AK8: variants seen among roughly 807,000 people sequenced by gnomAD.
AK8 encodes ATP-AMP transphosphorylase 8.
In AK8, 44 loss-of-function variants were observed where a neutral mutation model predicts 54.6. That is an observed-to-expected ratio of 0.81 (90% CI 0.63 to 1.04). The LOEUF (loss-of-function observed/expected upper bound fraction) is 1.04, where lower values mean the gene tolerates loss of function less well. Ranked by LOEUF, AK8 falls within the 50% of genes least tolerant of loss-of-function variation. AK8 has a pLI of 0.00. For synonymous variants in AK8, 239 were observed against 245.6 expected (o/e 0.97, Z 0.25); for missense variants, 555 against 613.6 (o/e 0.90, Z 1.01).
At chr9:132,876,405 G>A (rs948287378) in intron 1 of AK8, among the ~76,000 whole-genome samples, 4 of 151,594 alleles carry the variant, frequency 2.6e-5, no homozygotes, top group South Asian at 2.1e-4. Context: ...AGGCAAAAGC[G>A]GCTATTTAAT....
At chr9:132,828,624 G>C in intron 6 of AK8, 21 bp downstream of exon 6, 1 of 1,603,642 alleles carries the variant, frequency 6.2e-7, no homozygotes, top group Non-Finnish European at 8.5e-7. Flanking sequence ...GGCAGGTGGG[G>C]GACCCTTGGG....
At chr9:132,836,866 A>T (rs1438974778) in intron 5 of AK8, among the ~76,000 whole-genome samples, 1 of 152,260 alleles carries the variant, frequency 6.6e-6, no homozygotes, top group African/African-American at 2.4e-5. Flanking sequence ...TGATGATAAT[A>T]GTACCTACAC....
chr9:132,826,738 TC>T lies in AK8; in HGVS notation c.757+115del. 8.2e-7 allele frequency: 1 copy of T among 1,214,188 alleles called. No individual in the cohort carries two copies. Among genetic ancestry groups the T allele is most frequent in the Non-Finnish European group, 1.2e-6 (1 of 853,152 alleles). The allele number at this position is 1,214,188 out of a possible 1,614,324, so 75.2% of individuals were successfully genotyped here. Reference sequence around the variant, plus strand: ...GTCATCTATGTCTTGACTTCCAGGGTCCCAGGCATGTCCCAGACACTGGCCA... The same window carrying T: ...GTCATCTATGTCTTGACTTCCAGGGTCCAGGCATGTCCCAGACACTGGCCA... On this transcript the variant is annotated intron_variant, in intron 8 of 12. Transcript: ENST00000298545. The surrounding 1 kb of genome is among the most constrained non-coding windows in gnomAD (Gnocchi z 4.5).
chr9:132,744,545 C>A (rs928994062), intron 11 of AK8, among the ~76,000 whole-genome samples: 9 of 152,050 alleles, frequency 5.9e-5, no homozygotes, highest in Admixed American at 5.9e-4. Context: ...TTTTACAGAC[C>A]GAAGGGGAAA....
At chr9:132,793,696 T>TA (rs1840037544) in intron 10 of AK8, among the ~76,000 whole-genome samples, 4 of 152,252 alleles carry the variant, frequency 2.6e-5, no homozygotes, top group African/African-American at 9.6e-5. Flanking sequence ...CTGAAATTCA[T>TA]ACGTCTCTTC....
chr9:132,808,551 G>A (rs1440908860), intron 10 of AK8, among the ~76,000 whole-genome samples: 1 of 152,140 alleles, frequency 6.6e-6, no homozygotes, highest in Non-Finnish European at 1.5e-5. Context: ...CAGCACCTGT[G>A]AGGACAAAAA....
At chr9:132,823,723 G>A (rs1841753806) in intron 8 of AK8, among the ~76,000 whole-genome samples, 1 of 152,200 alleles carries the variant, frequency 6.6e-6, no homozygotes, top group African/African-American at 2.4e-5. Flanking sequence ...ACTGAATCGG[G>A]CTGAGCCTCC....
chr9:132,862,351 A>G (rs1379571962), intron 4 of AK8, among the ~76,000 whole-genome samples: 1 of 150,742 alleles, frequency 6.6e-6, no homozygotes, highest in African/African-American at 2.4e-5. Flanking sequence ...TTGTTAACAC[A>G]GAGTCTTATT....
chr9:132,820,393 T>A (rs186096639), intron 9 of AK8, among the ~76,000 whole-genome samples: 1 of 152,314 alleles, frequency 6.6e-6, no homozygotes, highest in African/African-American at 2.4e-5. Flanking sequence ...TATTTAGCCA[T>A]GTATCACTGA....
At chr9:132,760,002 A>G (rs191357680) in intron 11 of AK8, among the ~76,000 whole-genome samples, 4 of 152,274 alleles carry the variant, frequency 2.6e-5, no homozygotes, top group Admixed American at 1.3e-4. Flanking sequence ...TGGATCTATG[A>G]TCAATTTGGG....
chr9:132,799,919 G>A lies in AK8; in HGVS notation c.980-7144C>T, dbSNP rs939747082. ...TGTGGTCCCTGGGTCCCTGGGTCCC[G>A]CCCCTCCTGAAGGATCCCAATAGGA... On this transcript the variant is annotated intron_variant, in intron 10 of 12. Coordinates refer to ENST00000298545, the MANE Select transcript of AK8 (RefSeq NM_152572.3). This position sits in a 1 kb window ranked among gnomAD's most constrained non-coding sequence, Gnocchi z 5.0. 8.5e-5 allele frequency among the ~76,000 whole-genome samples: 13 copies of A among 152,094 alleles called. No individual in the cohort carries two copies. Among genetic ancestry groups the A allele is most frequent in the African/African-American group, 2.2e-4 (9 of 41,382 alleles).
chr9:132,766,616 A>G (rs1352997042), intron 11 of AK8, among the ~76,000 whole-genome samples: 2 of 152,210 alleles, frequency 1.3e-5, no homozygotes, highest in African/African-American at 4.8e-5. Flanking sequence ...CAAAATACCA[A>G]TGAAATTCTT....
chr9:132,792,492 G>T, intron 11 of AK8, 142 bp downstream of exon 11: 1 of 1,219,426 alleles, frequency 8.2e-7, no homozygotes, highest in Non-Finnish European at 1.1e-6. Context: ...CAGATGGGAT[G>T]GGTGGGAATG....
rs150290423 is a variant in AK8, at chr9:132,756,641, C to T, written c.1122-29107G>A. Among the ~76,000 whole-genome samples the T allele has an allele frequency of 6.8e-3, 1,032 of 152,314 alleles. 12 individuals carry two copies. Among genetic ancestry groups the T allele is most frequent in the African/African-American group, 0.02 (814 of 41,570 alleles). ...TCTCACGGGAAATGCCGGCATCTCA[C>T]TGACCTGATTCTGAGCAAGCAAGAG... On this transcript the variant is annotated intron_variant, in intron 11 of 12. Coordinates refer to ENST00000298545, the MANE Select transcript of AK8 (RefSeq NM_152572.3).
Position 132,847,708 on chromosome 9 carries a change from T to A in AK8, c.402+7149A>T, listed in dbSNP as rs2107437. 7.2e-5 allele frequency among the ~76,000 whole-genome samples: 11 copies of A among 152,020 alleles called. No homozygotes were observed. In the East Asian group the frequency reaches 1.9e-3, roughly 27 times the overall value. On this transcript the variant is annotated intron_variant, in intron 5 of 12. Transcript: ENST00000298545. ...TTTAAAGATCAAAGAGAGCCAGGCA[T>A]GGTGGCTCATGCCTATAACCCCAGC...
At chr9:132,794,114 C>T (rs1195820951) in intron 10 of AK8, among the ~76,000 whole-genome samples, 1 of 152,234 alleles carries the variant, frequency 6.6e-6, no homozygotes, top group African/African-American at 2.4e-5. Flanking sequence ...AAGCAGTCTG[C>T]ATTTCCCTGA....
At chr9:132,818,208 C>T (rs1196200094) in intron 9 of AK8, among the ~76,000 whole-genome samples, 2 of 152,086 alleles carry the variant, frequency 1.3e-5, no homozygotes, top group Non-Finnish European at 2.9e-5. Flanking sequence ...ACTACAAGAG[C>T]TGTTAAAGGA....
rs900295116 is a variant in AK8, at chr9:132,750,740, C to T, written c.1122-23206G>A. ...TCAGAGAGAAGCTCCCTTAGGCTCC[C>T]TCCCCTCCCAAATCTGCACCTAACG... is the stretch of plus-strand genomic sequence containing the variant. On this transcript the variant is annotated intron_variant, in intron 11 of 12. Transcript: ENST00000298545. Among the ~76,000 whole-genome samples the T allele has an allele frequency of 2.6e-5, 4 of 152,012 alleles. 1 individual carries two copies. Among genetic ancestry groups the T allele is most frequent in the African/African-American group, 9.6e-5 (4 of 41,452 alleles).
At chr9:132,865,453 A>G (rs1472951725) in intron 3 of AK8, among the ~76,000 whole-genome samples, 1 of 152,240 alleles carries the variant, frequency 6.6e-6, no homozygotes, top group Non-Finnish European at 1.5e-5. Context: ...GCTGATGTTC[A>G]CCAATCAGGC....
Sources: allele counts gnomAD v4.1 joint callset (sites outside exome capture counted in the v4.1 genomes callset), GRCh38; gene constraint gnomAD v4.1.1; non-coding constraint Gnocchi (gnomAD v3.1); transcripts MANE v1.5; gene names NCBI Gene and HGNC (gene_info 2026-07-23, HGNC 2026-07-21).